CASC3: variants seen among roughly 807,000 people sequenced by gnomAD.
The protein encoded by CASC3 is CASC3 exon junction complex subunit, also known as protein CASC3.
Under a neutral mutation model 80.5 loss-of-function variants are expected in CASC3, and 30 were observed. The ratio of observed to expected loss-of-function variants is 0.37; its 90% confidence interval spans 0.28 to 0.51. The LOEUF is 0.51. Ranked by LOEUF, CASC3 falls within the 20% of genes least tolerant of loss-of-function variation. CASC3 has a pLI of 0.94. For synonymous variants in CASC3, 312 were observed against 333.6 expected, an observed-to-expected ratio of 0.94 and a Z score of 0.70; for missense variants, 824 against 922.2, an observed-to-expected ratio of 0.89 and a Z score of 1.38.
At chr17:40,159,613 A>C (rs1221425214) in intron 3 of CASC3, among the ~76,000 whole-genome samples, 1 of 135,992 alleles carries the variant, frequency 7.4e-6, no homozygotes, top group Non-Finnish European at 1.5e-5. Flanking sequence ...TGGCACAATT[A>C]TGGCTCACTG....
At chr17:40,152,032 A>C (rs1989023493) in intron 3 of CASC3, among the ~76,000 whole-genome samples, 1 of 152,242 alleles carries the variant, frequency 6.6e-6, no homozygotes, top group South Asian at 2.1e-4. Context: ...AGTTAAGCTA[A>C]TTAACGTATC....
At chr17:40,162,663 C>T (rs926067173) in intron 5 of CASC3, 62 bp from the exon 6 acceptor site, 3 of 1,550,872 alleles carry the variant, frequency 1.9e-6, no homozygotes, top group Admixed American at 1.8e-5. Flanking sequence ...CCATTTTGTT[C>T]AAGAACATCT....
chr17:40,162,256 A>G, intron 5 of CASC3, 103 bp downstream of exon 5: 1 of 1,223,002 alleles, frequency 8.2e-7, no homozygotes, highest in South Asian at 1.5e-5. Context: ...TTTTAAGATA[A>G]GTATTATGAT....
At chr17:40,158,375 C>G (rs1428336605) in intron 3 of CASC3, among the ~76,000 whole-genome samples, 3 of 152,146 alleles carry the variant, frequency 2.0e-5, no homozygotes, top group African/African-American at 7.2e-5. Context: ...AGTGTACATA[C>G]ATCTACCAGG....
At chr17:40,160,743 G>C (rs1016796090) in intron 3 of CASC3, among the ~76,000 whole-genome samples, 1 of 151,732 alleles carries the variant, frequency 6.6e-6, no homozygotes, top group Admixed American at 6.6e-5. Context: ...GCTAATTTTT[G>C]TATTTTTAGT....
intron 8 of CASC3, 37 bp downstream of exon 8, chr17:40,166,898 T>G: frequency 2.1e-6 from 3 of 1,453,082 alleles, no homozygotes; most frequent in Non-Finnish European, 2.9e-6. Context: ...GGGAGGGAGC[T>G]GCCTGTTACA....
intron 3 of CASC3, among the ~76,000 whole-genome samples, chr17:40,153,479 G>A (rs1377707709): frequency 6.6e-6 from 1 of 152,064 alleles, no homozygotes; most frequent in Non-Finnish European, 1.5e-5. Flanking sequence ...TGTTTTTATG[G>A]GGACATATGT....
intron 3 of CASC3, among the ~76,000 whole-genome samples, chr17:40,156,666 G>A (rs1989153306): frequency 6.6e-6 from 1 of 151,902 alleles, no homozygotes. Flanking sequence ...TCCAGCTGGG[G>A]CGACAGAGTG....
rs931106009 is a variant in CASC3, at chr17:40,141,621, G to C, written c.297+14G>C. 9 of 1,607,846 alleles carry C rather than the reference G, an allele frequency of 5.6e-6. No homozygotes were observed. The Admixed American group carries it at 6.7e-5, about 12-fold the overall frequency. ...GAAGACTCGGAAGTGAGTATGACAGGTTTTTTCCTATGGTATAGATCAGAA... is the reference window on the plus strand; with the variant it reads ...GAAGACTCGGAAGTGAGTATGACAGCTTTTTTCCTATGGTATAGATCAGAA... On this transcript the variant is annotated intron_variant, in intron 3 of 13. Coordinates refer to ENST00000264645, the MANE Select transcript of CASC3 (RefSeq NM_007359.5).
intron 3 of CASC3, among the ~76,000 whole-genome samples, chr17:40,152,583 G>C (rs907662663): frequency 6.6e-6 from 1 of 151,942 alleles, no homozygotes; most frequent in Admixed American, 6.6e-5. Flanking sequence ...GCCTCTCAAA[G>C]TGCTGGGATT....
intron 7 of CASC3, 122 bp downstream of exon 7, chr17:40,164,288 G>C: frequency 2.3e-6 from 2 of 878,086 alleles, no homozygotes; most frequent in Non-Finnish European, 3.4e-6. Flanking sequence ...TTTTGAGACA[G>C]AGTCTCACTC....
chr17:40,148,017 A>G (rs1988902654), intron 3 of CASC3, among the ~76,000 whole-genome samples: 1 of 152,078 alleles, frequency 6.6e-6, no homozygotes, highest in African/African-American at 2.4e-5. Context: ...TAGGAATGCT[A>G]TTATTTTTTC....
rs1339423817 is a variant in CASC3, at chr17:40,171,360, C to G, written c.*955C>G. On this transcript the variant is annotated 3_prime_UTR_variant, in exon 14 of 14. Transcript: ENST00000264645. ...TTTTGAGGTAAGTGGAATTAGAGGGCCTTGCTTCTCTTCTTTCCATTCTTC... is the reference window on the plus strand; with the variant it reads ...TTTTGAGGTAAGTGGAATTAGAGGGGCTTGCTTCTCTTCTTTCCATTCTTC... 1.0e-6 allele frequency: 1 copy of G among 985,846 alleles called. No homozygotes were observed. Among genetic ancestry groups the G allele is most frequent in the Non-Finnish European group, 1.2e-6 (1 of 829,984 alleles). 61.1% of individuals were successfully genotyped at this position (985,846 alleles called of 1,614,324 possible).
chr17:40,167,465 T>C (rs1344229662), intron 8 of CASC3, 33 bp from the exon 9 acceptor site: 2 of 1,508,410 alleles, frequency 1.3e-6, no homozygotes, highest in Admixed American at 3.4e-5. Flanking sequence ...CCCTCTAGAA[T>C]TCTTATTGTT....
At chr17:40,146,899 T>G (rs1170048878) in intron 3 of CASC3, among the ~76,000 whole-genome samples, 2 of 152,184 alleles carry the variant, frequency 1.3e-5, no homozygotes, top group Non-Finnish European at 2.9e-5. Context: ...AAGTACAGTT[T>G]CTACTGAATG....
intron 3 of CASC3, among the ~76,000 whole-genome samples, chr17:40,160,916 G>C (rs1441447415): frequency 6.6e-6 from 1 of 151,806 alleles, no homozygotes; most frequent in Non-Finnish European, 1.5e-5. Flanking sequence ...ATACCTATGT[G>C]GATATATATG....
intron 3 of CASC3, among the ~76,000 whole-genome samples, chr17:40,161,449 G>A (rs1304560112): frequency 6.6e-6 from 1 of 152,300 alleles, no homozygotes; most frequent in Non-Finnish European, 1.5e-5. Flanking sequence ...GGGCGGCCAA[G>A]GCAGGCAGAT....
At chr17:40,145,236 A>G (rs1988828649) in intron 3 of CASC3, among the ~76,000 whole-genome samples, 1 of 150,156 alleles carries the variant, frequency 6.7e-6, no homozygotes, top group Admixed American at 6.7e-5. Flanking sequence ...CGGTGGTGCA[A>G]TCTCGGCTCA....
chr17:40,147,440 A>G (rs2145156160), intron 3 of CASC3, among the ~76,000 whole-genome samples: 1 of 152,094 alleles, frequency 6.6e-6, no homozygotes, highest in Non-Finnish European at 1.5e-5. Context: ...GGAGCCTGAG[A>G]CCCACCTGGG....
Sources: allele counts gnomAD v4.1 joint callset (sites outside exome capture counted in the v4.1 genomes callset), GRCh38; gene constraint gnomAD v4.1.1; transcripts MANE v1.5; gene names NCBI Gene and HGNC (gene_info 2026-07-23, HGNC 2026-07-21).